Variants in TMTC1 observed in about 807,000 individuals in gnomAD.
TMTC1 encodes the protein transmembrane O-mannosyltransferase targeting cadherins 1, also known as protein O-mannosyl-transferase TMTC1.
In TMTC1, 73 loss-of-function variants were observed where a neutral mutation model predicts 104.8. The observed-to-expected ratio is 0.70, with a 90% CI of 0.58 to 0.85. The LOEUF is 0.85. Ranked by LOEUF, TMTC1 falls within the 40% of genes least tolerant of loss-of-function variation. TMTC1 has a pLI of 0.00. For synonymous variants in TMTC1, 434 were observed against 428.7 expected, an observed-to-expected ratio of 1.01 and a Z score of -0.15; for missense variants, 1,035 against 1,096.1, an observed-to-expected ratio of 0.94 and a Z score of 0.79.
chr12:29,673,960 G>GA (rs1211352441), intron 5 of TMTC1, among the ~76,000 whole-genome samples: 5 of 151,630 alleles, frequency 3.3e-5, no homozygotes, highest in Non-Finnish European at 5.9e-5. Flanking sequence ...GGTTTCTCCA[G>GA]GTTGGTCAGG....
chr12:29,694,007 AAT>A (rs1444558819), intron 5 of TMTC1, among the ~76,000 whole-genome samples: 3 of 152,182 alleles, frequency 2.0e-5, no homozygotes, highest in African/African-American at 4.8e-5. Context: ...GTGTATTAAA[AAT>A]AGATTATTTT....
intron 5 of TMTC1, among the ~76,000 whole-genome samples, chr12:29,718,943 A>G (rs576871680): frequency 6.6e-6 from 1 of 151,832 alleles, no homozygotes; most frequent in African/African-American, 2.4e-5. Flanking sequence ...AAAAAAAAAA[A>G]AAAAAAAAGT....
intron 5 of TMTC1, among the ~76,000 whole-genome samples, chr12:29,739,907 C>T (rs532013097): frequency 6.6e-6 from 1 of 152,022 alleles, no homozygotes; most frequent in African/African-American, 2.4e-5. Flanking sequence ...CAGAGTTTCA[C>T]CACGTTGGCC....
rs567080050 is a variant in TMTC1 at position 29,599,968 on chromosome 12, A to G, written c.1250+4210T>C. On this transcript the variant is annotated intron_variant, in intron 7 of 17. Transcript: ENST00000539277. ...TGTGTATATATATGTGTATATATAT[A>G]TGTGTGTGTGTGTGTGTGTATATAC... 8.1e-3 allele frequency among the ~76,000 whole-genome samples: 1,063 copies of G among 131,082 alleles called. 35 individuals carry two copies. Among genetic ancestry groups the G allele is most frequent in the African/African-American group, 0.036 (993 of 27,860 alleles). The allele number at this position is 131,082 out of a possible 152,430, so 86.0% of individuals were successfully genotyped here.
intron 5 of TMTC1, among the ~76,000 whole-genome samples, chr12:29,728,113 A>G (rs1397556197): frequency 1.3e-5 from 2 of 152,244 alleles, no homozygotes; most frequent in Admixed American, 1.3e-4. Context: ...TACAGTTTGC[A>G]AAATAAATGA....
At chr12:29,696,749 T>C (rs1185240036) in intron 5 of TMTC1, among the ~76,000 whole-genome samples, 22 of 152,094 alleles carry the variant, frequency 1.4e-4, no homozygotes, top group Non-Finnish European at 2.9e-5. Context: ...GGGTAGGAAA[T>C]AAATAGAAGA....
chr12:29,687,001 A>C (rs1053885229), intron 5 of TMTC1, among the ~76,000 whole-genome samples: 2 of 152,218 alleles, frequency 1.3e-5, no homozygotes, highest in Non-Finnish European at 2.9e-5. Flanking sequence ...AATGAGTGAA[A>C]GGAAAAACTC....
At chr12:29,730,133 T>C (rs1050731908) in intron 5 of TMTC1, among the ~76,000 whole-genome samples, 1 of 152,166 alleles carries the variant, frequency 6.6e-6, no homozygotes, top group African/African-American at 2.4e-5. Context: ...GATCCAAATC[T>C]ACTCATTTTC....
At chr12:29,565,040 G>T (rs1178353210) in intron 9 of TMTC1, among the ~76,000 whole-genome samples, 1 of 152,166 alleles carries the variant, frequency 6.6e-6, no homozygotes. Flanking sequence ...AACAGGATGT[G>T]TATATTTACA....
At chr12:29,749,231 T>TAC (rs10654988) in intron 5 of TMTC1, among the ~76,000 whole-genome samples, 53,705 of 151,108 alleles carry the variant, frequency 0.36, 9,523 homozygotes, top group Middle Eastern at 0.39. Context: ...TATCTAAGGA[T>TAC]ACACACACAC....
At chr12:29,569,104 C>G (rs531442481) in intron 9 of TMTC1, 2 of 420,746 alleles carry the variant, frequency 4.8e-6, no homozygotes, top group South Asian at 3.4e-5. Flanking sequence ...GAATCTTAAA[C>G]TGAATACGTG....
chr12:29,699,449 T>G (rs929678874), intron 5 of TMTC1, among the ~76,000 whole-genome samples: 6 of 152,188 alleles, frequency 3.9e-5, no homozygotes, highest in Non-Finnish European at 8.8e-5. Context: ...AAAAGTGCCA[T>G]GAAGGCACAA....
intron 10 of TMTC1, among the ~76,000 whole-genome samples, chr12:29,547,651 T>A (rs942908743): frequency 6.6e-6 from 1 of 152,196 alleles, no homozygotes; most frequent in Non-Finnish European, 1.5e-5. Context: ...GTATTTCTCA[T>A]ACATTGACAA....
intron 10 of TMTC1, among the ~76,000 whole-genome samples, chr12:29,549,629 C>A (rs113016048): frequency 1.5e-3 from 234 of 151,992 alleles, no homozygotes; most frequent in African/African-American, 5.2e-3. Flanking sequence ...TATGGGAGAG[C>A]AAAGCAAGCA....
intron 5 of TMTC1, among the ~76,000 whole-genome samples, chr12:29,735,739 T>C (rs1379618635): frequency 6.6e-6 from 1 of 152,144 alleles, no homozygotes; most frequent in Non-Finnish European, 1.5e-5. Flanking sequence ...TTGCTAAGAG[T>C]CACTGTTGGT....
chr12:29,717,462 T>C (rs1184911179), intron 5 of TMTC1, among the ~76,000 whole-genome samples: 5 of 152,328 alleles, frequency 3.3e-5, no homozygotes, highest in African/African-American at 1.2e-4. Flanking sequence ...TGCAACCTTA[T>C]CATGGTTTGC....
chr12:29,583,688 A>T (rs1294781192), intron 7 of TMTC1, 114 bp from the exon 8 acceptor site: 1 of 918,758 alleles, frequency 1.1e-6, no homozygotes. Context: ...CTAGAGAAAC[A>T]AATAGAAACT....
intron 6 of TMTC1, among the ~76,000 whole-genome samples, chr12:29,608,556 T>A (rs2136418874): frequency 6.6e-6 from 1 of 152,310 alleles, no homozygotes; most frequent in Admixed American, 6.5e-5. Context: ...TTTAATTTGG[T>A]GATCAACTAG....
intron 5 of TMTC1, among the ~76,000 whole-genome samples, chr12:29,722,364 T>C (rs7136483): frequency 0.51 from 78,222 of 151,948 alleles, 21,366 homozygotes; most frequent in African/African-American, 0.7. Context: ...TCTAAACACA[T>C]GTTAAAGATT....
Sources: allele counts gnomAD v4.1 joint callset (sites outside exome capture counted in the v4.1 genomes callset), GRCh38; gene constraint gnomAD v4.1.1; transcripts MANE v1.5; gene names NCBI Gene and HGNC (gene_info 2026-07-23, HGNC 2026-07-21).